SCN2A: variants seen among roughly 807,000 people sequenced by gnomAD.
The protein encoded by SCN2A is sodium channel protein type 2 subunit alpha.
Under a neutral mutation model 188.7 loss-of-function variants are expected in SCN2A, and 20 were observed. That is an observed-to-expected ratio of 0.11 (90% CI 0.07 to 0.15). SCN2A has a LOEUF of 0.15. SCN2A is among the 10% of genes least tolerant of loss of function. The pLI, the probability that SCN2A is intolerant of heterozygous loss-of-function variation, is 1.00. For missense variants in SCN2A, 1,278 were observed against 2,445.0 expected (o/e 0.52, Z 10.07); for synonymous variants, 804 against 833.1 (o/e 0.97, Z 0.60).
At chr2:165,367,469 G>A in intron 19 of SCN2A, 98 bp downstream of exon 19, 5 of 1,327,568 alleles carry the variant, frequency 3.8e-6, no homozygotes, top group Non-Finnish European at 4.3e-6. Context: ...TAAGGTGTTT[G>A]TAAGAATGAG....
chr2:165,362,180 A>G lies in SCN2A; in HGVS notation c.3400-2963A>G, dbSNP rs575619769. On this transcript the variant is annotated intron_variant, in intron 17 of 26. Transcript: ENST00000375437. ...GTCTGATGAGATGCATTTTCTAGAA[A>G]CACAAAATACTTTTGAACTGAACCT... Among the ~76,000 whole-genome samples, 14 of 152,176 alleles carry G rather than the reference A, an allele frequency of 9.2e-5. No homozygotes were observed. The South Asian group carries it at 2.5e-3, about 27-fold the overall frequency.
intron 1 of SCN2A, among the ~76,000 whole-genome samples, chr2:165,253,123 C>T (rs1011465570): frequency 4.6e-5 from 7 of 151,990 alleles, no homozygotes; most frequent in African/African-American, 1.7e-4. Context: ...TTTCCTAGAA[C>T]ATGAAAGGAT....
intron 18 of SCN2A, among the ~76,000 whole-genome samples, chr2:165,365,635 T>C (rs1474935703): frequency 2.0e-5 from 3 of 152,146 alleles, no homozygotes; most frequent in Admixed American, 6.5e-5. Flanking sequence ...GTTTAAAAAT[T>C]CAATAAATAA....
At chr2:165,386,602 A>G in intron 25 of SCN2A, 144 bp from the exon 26 acceptor site, 3 of 686,090 alleles carry the variant, frequency 4.4e-6, no homozygotes, top group Non-Finnish European at 6.5e-6. Context: ...TTTGCAAGGA[A>G]TTTTTTTTTT....
intron 17 of SCN2A, among the ~76,000 whole-genome samples, chr2:165,356,518 A>G (rs1700188819): frequency 6.6e-6 from 1 of 152,168 alleles, no homozygotes; most frequent in Admixed American, 6.6e-5. Context: ...CATTATTTTG[A>G]AATTATGCCT....
intron 23 of SCN2A, among the ~76,000 whole-genome samples, chr2:165,379,835 G>A (rs367665078): frequency 5.9e-5 from 9 of 151,768 alleles, no homozygotes; most frequent in East Asian, 5.8e-4. Flanking sequence ...AACTGAGTTG[G>A]TTAGAACAAT....
At chr2:165,371,290 A>G (rs1273505415) in intron 20 of SCN2A, 1 of 152,192 alleles carries the variant, frequency 6.6e-6, no homozygotes, top group Non-Finnish European at 1.5e-5. Flanking sequence ...ATTTAAGAAA[A>G]CTATTATGAT....
chr2:165,253,235 A>G (rs974331368), intron 1 of SCN2A, among the ~76,000 whole-genome samples: 6 of 152,100 alleles, frequency 3.9e-5, no homozygotes, highest in Admixed American at 6.6e-5. Context: ...CTTAACCTTT[A>G]CATTCCAAAT....
intron 6 of SCN2A, among the ~76,000 whole-genome samples, chr2:165,309,677 G>A (rs1335899315): frequency 6.6e-6 from 1 of 152,142 alleles, no homozygotes; most frequent in Non-Finnish European, 1.5e-5. Context: ...GGCATTTGCA[G>A]TAACAGGCTA....
intron 1 of SCN2A, among the ~76,000 whole-genome samples, chr2:165,264,468 A>G (rs1205322642): frequency 6.6e-6 from 1 of 152,170 alleles, no homozygotes; most frequent in African/African-American, 2.4e-5. Flanking sequence ...ATAAAAAGCC[A>G]TCTATGACAG....
intron 1 of SCN2A, among the ~76,000 whole-genome samples, chr2:165,264,419 C>T (rs1241991250): frequency 6.6e-6 from 1 of 152,044 alleles, no homozygotes; most frequent in Non-Finnish European, 1.5e-5. Context: ...GATTATAACC[C>T]TCAACAAAAT....
At chr2:165,277,192 A>T (rs1695385390) in intron 1 of SCN2A, among the ~76,000 whole-genome samples, 1 of 152,238 alleles carries the variant, frequency 6.6e-6, no homozygotes, top group African/African-American at 2.4e-5. Flanking sequence ...CATTCTAATT[A>T]TTCAGACAGG....
intron 1 of SCN2A, among the ~76,000 whole-genome samples, chr2:165,292,282 C>T (rs1232131826): frequency 1.3e-5 from 2 of 152,184 alleles, no homozygotes; most frequent in African/African-American, 4.8e-5. Context: ...TTTTGGGCTA[C>T]ATCTTCCCCT....
At chr2:165,358,623 A>G (rs1700297053) in intron 17 of SCN2A, among the ~76,000 whole-genome samples, 1 of 152,080 alleles carries the variant, frequency 6.6e-6, no homozygotes, top group Non-Finnish European at 1.5e-5. Flanking sequence ...TGAGAGACTT[A>G]TAGATGGTAT....
intron 10 of SCN2A, among the ~76,000 whole-genome samples, chr2:165,315,083 G>C (rs1435293611): frequency 6.6e-6 from 1 of 152,122 alleles, no homozygotes; most frequent in African/African-American, 2.4e-5. Context: ...TTTATTGTGT[G>C]AAAATGGAAT....
At chr2:165,257,958 T>A (rs1694403356) in intron 1 of SCN2A, among the ~76,000 whole-genome samples, 1 of 151,982 alleles carries the variant, frequency 6.6e-6, no homozygotes, top group Non-Finnish European at 1.5e-5. Context: ...GCTCACGTCC[T>A]TTGCCCACAT....
intron 14 of SCN2A, among the ~76,000 whole-genome samples, chr2:165,334,659 A>G (rs182183689): frequency 6.6e-6 from 1 of 151,818 alleles, no homozygotes; most frequent in African/African-American, 2.4e-5. Context: ...CACACCTATC[A>G]TCATTCTTAA....
chr2:165,381,302 T>C, intron 25 of SCN2A, 105 bp downstream of exon 25: 1 of 791,518 alleles, frequency 1.3e-6, no homozygotes. Flanking sequence ...TAACACAAAG[T>C]TTTTTACCTT....
At position 165,354,578 on chromosome 2, in the gene SCN2A, T is replaced by G. The variant is rs1246050360; in HGVS notation, c.3306T>G (p.Thr1102=). ...CATTTATAAACAACCCTAGCCTCACTGTGACAGTACCAATTGCTGTTGGAG... is the reference window on the plus strand; with the variant it reads ...CATTTATAAACAACCCTAGCCTCACGGTGACAGTACCAATTGCTGTTGGAG... The part of the protein sequence containing the change: ...YMSFINNPSL[T]VTVPIAVGES... Residue 1102 remains threonine (T), a synonymous_variant, in exon 17 of 27, where the codon ACT becomes ACG. Transcript: ENST00000375437. 1.9e-6 allele frequency: 3 copies of G among 1,613,970 alleles called. No individual in the cohort carries two copies. The highest frequency in any genetic ancestry group is 1.7e-6 in the Non-Finnish European group (2 of 1,179,998).
Sources: gnomAD v4.1 joint callset for allele counts (sites outside exome capture counted in the v4.1 genomes callset) on GRCh38, gnomAD v4.1.1 for gene constraint, MANE v1.5 for transcripts, NCBI Gene and HGNC (gene_info 2026-07-23, HGNC 2026-07-21) for gene names.